The following ANO6 variants were observed in gnomAD, a reference collection of about 807,000 sequenced individuals.
The protein encoded by ANO6 is anoctamin-6.
A neutral mutation model predicts 117.5 loss-of-function variants in ANO6; 106 were observed. The observed-to-expected ratio is 0.90, with a 90% CI of 0.77 to 1.06. ANO6 has a LOEUF of 1.06. Among genes scored for constraint, ANO6 ranks in the 50% least tolerant of loss-of-function variants. The pLI is 0.00. For missense variants in ANO6, 955 were observed against 1,121.1 expected (o/e 0.85, Z 2.12); for synonymous variants, 367 against 385.1 (o/e 0.95, Z 0.55).
intron 1 of ANO6, 84 bp downstream of exon 1, chr12:45,216,475 T>A: frequency 1.4e-6 from 2 of 1,473,562 alleles, no homozygotes; most frequent in South Asian, 2.4e-5. Flanking sequence ...GGCGCTGTGC[T>A]CTCCGCGGGG....
chr12:45,418,866 C>T (rs1036072100), intron 17 of ANO6, among the ~76,000 whole-genome samples: 3 of 152,196 alleles, frequency 2.0e-5, no homozygotes, highest in Non-Finnish European at 4.4e-5. Flanking sequence ...TATGGGCAAT[C>T]CCTTTTTCCA....
chr12:45,245,005 T>G (rs1304315314), intron 1 of ANO6, among the ~76,000 whole-genome samples: 1 of 152,218 alleles, frequency 6.6e-6, no homozygotes, highest in Non-Finnish European at 1.5e-5. Flanking sequence ...ACCCCTTAAC[T>G]TCAGCTCTCT....
At chr12:45,376,753 G>A (rs1385907198) in intron 9 of ANO6, among the ~76,000 whole-genome samples, 1 of 151,300 alleles carries the variant, frequency 6.6e-6, no homozygotes, top group Non-Finnish European at 1.5e-5. Context: ...CCTAATGCTA[G>A]ATGATGAGTT....
chr12:45,279,558 G>T (rs548709022), intron 1 of ANO6, among the ~76,000 whole-genome samples: 7 of 152,250 alleles, frequency 4.6e-5, no homozygotes, highest in African/African-American at 1.7e-4. Flanking sequence ...ACAAATTTCT[G>T]TGTGACCTCT....
intron 1 of ANO6, among the ~76,000 whole-genome samples, chr12:45,285,479 C>G (rs1242757683): frequency 6.6e-6 from 1 of 152,200 alleles, no homozygotes; most frequent in Non-Finnish European, 1.5e-5. Context: ...GGCGGTGGCT[C>G]ACGCCTGTAA....
chr12:45,297,869 A>G (rs1939345830), intron 1 of ANO6, among the ~76,000 whole-genome samples: 1 of 152,134 alleles, frequency 6.6e-6, no homozygotes, highest in South Asian at 2.1e-4. Context: ...TTCTTACAGT[A>G]CTCCATAAAT....
chr12:45,280,787 A>C (rs1375608271), intron 1 of ANO6, among the ~76,000 whole-genome samples: 2 of 152,280 alleles, frequency 1.3e-5, no homozygotes, highest in Non-Finnish European at 2.9e-5. Flanking sequence ...TGCAGGGGCT[A>C]CTGCCTCAAC....
At chr12:45,232,166 G>T (rs1273377085) in intron 1 of ANO6, among the ~76,000 whole-genome samples, 1 of 152,184 alleles carries the variant, frequency 6.6e-6, no homozygotes, top group East Asian at 1.9e-4. Flanking sequence ...TAAGGAAGCA[G>T]ATAGGATCCC....
At chr12:45,234,558 C>G (rs1012024964) in intron 1 of ANO6, among the ~76,000 whole-genome samples, 8 of 152,164 alleles carry the variant, frequency 5.3e-5, no homozygotes, top group African/African-American at 1.9e-4. Flanking sequence ...AATATTTGTT[C>G]AGGCCCCTTT....
intron 19 of ANO6, among the ~76,000 whole-genome samples, chr12:45,438,259 G>GTC (rs1943731149): frequency 6.6e-6 from 1 of 151,814 alleles, no homozygotes; most frequent in Middle Eastern, 3.2e-3. Context: ...GTATGTGTGT[G>GTC]TGTGTGTGTG....
At chr12:45,418,810 C>T (rs949682480) in intron 17 of ANO6, among the ~76,000 whole-genome samples, 1 of 152,210 alleles carries the variant, frequency 6.6e-6, no homozygotes, top group Admixed American at 6.5e-5. Context: ...TTTCTTATCA[C>T]TTAACCTAGG....
intron 1 of ANO6, chr12:45,270,341 TACG>T (rs1369392101): frequency 7.7e-7 from 1 of 1,295,906 alleles, no homozygotes; most frequent in Non-Finnish European, 9.8e-7. Context: ...AAATGGCTTG[TACG>T]AGGTCAGGTC....
intron 9 of ANO6, among the ~76,000 whole-genome samples, chr12:45,376,605 A>G (rs1280719861): frequency 6.7e-6 from 1 of 148,996 alleles, no homozygotes; most frequent in African/African-American, 2.5e-5. Flanking sequence ...CGCAAGAACA[A>G]AAAACCAAAC....
intron 1 of ANO6, among the ~76,000 whole-genome samples, chr12:45,229,101 T>C (rs1383488095): frequency 6.6e-6 from 1 of 152,144 alleles, no homozygotes; most frequent in Non-Finnish European, 1.5e-5. Flanking sequence ...GGGTCCGGGA[T>C]GAGAAGCTGA....
At chr12:45,332,107 A>G (rs1039368333) in intron 3 of ANO6, among the ~76,000 whole-genome samples, 2 of 152,058 alleles carry the variant, frequency 1.3e-5, no homozygotes, top group African/African-American at 2.4e-5. Flanking sequence ...TCAGGATATT[A>G]AAACAGTAGG....
intron 1 of ANO6, among the ~76,000 whole-genome samples, chr12:45,216,822 C>G (rs1024363127): frequency 6.6e-6 from 1 of 152,196 alleles, no homozygotes; most frequent in Non-Finnish European, 1.5e-5. Context: ...CAGGGTGTGA[C>G]CCATCTGAAT....
At chr12:45,285,884 C>T (rs757315753) in intron 1 of ANO6, among the ~76,000 whole-genome samples, 55 of 152,162 alleles carry the variant, frequency 3.6e-4, no homozygotes, top group Admixed American at 5.2e-4. Context: ...CTTTCTGAGA[C>T]TCCTCCTCCC....
chr12:45,277,772 A>G (rs1048701631), intron 1 of ANO6, among the ~76,000 whole-genome samples: 4 of 152,042 alleles, frequency 2.6e-5, no homozygotes, highest in Admixed American at 2.6e-4. Context: ...TGCTCTTGAA[A>G]AGTTCCTGCC....
At chr12:45,392,552 G>C (rs1942483630) in intron 12 of ANO6, among the ~76,000 whole-genome samples, 1 of 152,156 alleles carries the variant, frequency 6.6e-6, no homozygotes, top group Non-Finnish European at 1.5e-5. Flanking sequence ...TCCTCAAATG[G>C]GTCCCTGACC....
Sources: allele counts gnomAD v4.1 joint callset (sites outside exome capture counted in the v4.1 genomes callset), GRCh38; gene constraint gnomAD v4.1.1; transcripts MANE v1.5; gene names NCBI Gene and HGNC (gene_info 2026-07-23, HGNC 2026-07-21).